Variants in CCDC141 observed in about 807,000 individuals in gnomAD.
CCDC141 encodes the protein coiled-coil domain containing 141.
Under a neutral mutation model 181.0 loss-of-function variants are expected in CCDC141, and 168 were observed. The ratio of observed to expected loss-of-function variants is 0.93; its 90% CI spans 0.82 to 1.05. The LOEUF (loss-of-function observed/expected upper bound fraction) is 1.05. Ranked by LOEUF, CCDC141 falls within the 50% of genes least tolerant of loss-of-function variation. The pLI is 0.00. For synonymous variants in CCDC141, 666 were observed against 642.3 expected, an observed-to-expected ratio of 1.04 and a Z score of -0.56; for missense variants, 1,902 against 1,788.5, an observed-to-expected ratio of 1.06 and a Z score of -1.14.
At position 178,832,122 on chromosome 2, in the gene CCDC141, C is replaced by T. The variant is rs944649937; in HGVS notation, c.*2051G>A. The T allele has an allele frequency of 1.3e-5, 2 of 152,130 alleles. No homozygotes were observed. Among genetic ancestry groups the T allele is most frequent in the African/African-American group, 2.4e-5 (1 of 41,446 alleles). The allele number at this position is 152,130 out of a possible 1,614,324, so 9.4% of individuals were successfully genotyped here. On this transcript the variant is annotated 3_prime_UTR_variant, in exon 24 of 24. Coordinates refer to ENST00000443758, the MANE Select transcript of CCDC141 (RefSeq NM_173648.4). ...AGAGAGACAGTTTGTTACCGGGTCT[C>T]ACCTGCCTTCTTTGTTCATGAATAG...
chr2:178,927,410 G>A lies in CCDC141; in HGVS notation c.898-8503C>T, dbSNP rs78278467. Among the ~76,000 whole-genome samples the A allele has an allele frequency of 9.0e-3, 1,362 of 152,142 alleles. 21 individuals carry two copies. Among genetic ancestry groups the A allele is most frequent in the African/African-American group, 0.032 (1,311 of 41,488 alleles). On this transcript the variant is annotated intron_variant, in intron 6 of 23. Coordinates refer to ENST00000443758, the MANE Select transcript of CCDC141 (RefSeq NM_173648.4). ...GGGGTATCTGAGAAGCCGTCTTATT[G>A]GGTCTTAAATACGTGCAGGGATTTC...
chr2:178,837,788 C>G, intron 22 of CCDC141, 44 bp from the exon 23 acceptor site: 1 of 1,549,234 alleles, frequency 6.5e-7, no homozygotes, highest in Non-Finnish European at 8.7e-7. Flanking sequence ...ATTCATTTTT[C>G]TTTTTCCAGT....
intron 4 of CCDC141, among the ~76,000 whole-genome samples, chr2:178,968,151 C>A (rs1690719879): frequency 6.6e-6 from 1 of 152,156 alleles, no homozygotes; most frequent in South Asian, 2.1e-4. Context: ...CACTTTAACA[C>A]CCCACTGTCA....
At chr2:178,903,041 C>T (rs1201557329) in intron 8 of CCDC141, among the ~76,000 whole-genome samples, 7 of 150,218 alleles carry the variant, frequency 4.7e-5, no homozygotes, top group South Asian at 2.3e-4. Flanking sequence ...GAAATGCAAG[C>T]CAAAACCACA....
chr2:178,975,293 T>A (rs1171159160), intron 3 of CCDC141, 128 bp from the exon 4 acceptor site: 24 of 535,888 alleles, frequency 4.5e-5, no homozygotes, highest in Admixed American at 3.0e-4. Flanking sequence ...TGCAAGTGCA[T>A]ATGTTTGTAT....
At chr2:178,904,132 G>A (rs1311380225) in intron 8 of CCDC141, among the ~76,000 whole-genome samples, 1 of 152,174 alleles carries the variant, frequency 6.6e-6, no homozygotes, top group African/African-American at 2.4e-5. Context: ...CCTTGAAACT[G>A]CTGAAGCCTA....
chr2:178,951,162 G>GC (rs1689937571), intron 5 of CCDC141, among the ~76,000 whole-genome samples: 1 of 152,192 alleles, frequency 6.6e-6, no homozygotes, highest in Non-Finnish European at 1.5e-5. Context: ...AGGAAACAGA[G>GC]CCCCATCCAG....
At chr2:178,854,104 T>A (rs1293743855) in intron 19 of CCDC141, among the ~76,000 whole-genome samples, 1 of 152,244 alleles carries the variant, frequency 6.6e-6, no homozygotes, top group Non-Finnish European at 1.5e-5. Context: ...ATAAATAAAT[T>A]ATCTTTGAAG....
At chr2:178,906,365 G>T (rs1687970855) in intron 7 of CCDC141, among the ~76,000 whole-genome samples, 3 of 152,128 alleles carry the variant, frequency 2.0e-5, no homozygotes, top group Admixed American at 6.5e-5. Flanking sequence ...AGAATACTGT[G>T]GGTATATGAG....
intron 6 of CCDC141, 70 bp downstream of exon 6, chr2:178,944,465 C>T: frequency 1.5e-6 from 1 of 650,474 alleles, no homozygotes; most frequent in Non-Finnish European, 2.4e-6. Context: ...CTAAATTACC[C>T]ACAGAAGTAT....
intron 2 of CCDC141, among the ~76,000 whole-genome samples, chr2:178,999,042 C>T (rs563075763): frequency 2.0e-5 from 3 of 152,208 alleles, no homozygotes; most frequent in East Asian, 1.9e-4. Flanking sequence ...GAAAGTGTAG[C>T]GGTCATTATT....
chr2:178,937,964 A>T (rs1575239940), intron 6 of CCDC141, among the ~76,000 whole-genome samples: 1 of 151,596 alleles, frequency 6.6e-6, no homozygotes. Context: ...CTCCTTTATT[A>T]CTCTAGCTAG....
chr2:178,987,532 A>C (rs1691813084), intron 2 of CCDC141, among the ~76,000 whole-genome samples: 1 of 151,944 alleles, frequency 6.6e-6, no homozygotes, highest in South Asian at 2.1e-4. Flanking sequence ...TGAACAGGCA[A>C]CCTACAACAT....
intron 2 of CCDC141, among the ~76,000 whole-genome samples, chr2:178,993,828 A>C (rs907721086): frequency 6.6e-6 from 1 of 152,224 alleles, no homozygotes; most frequent in Non-Finnish European, 1.5e-5. Flanking sequence ...CAAATAGGAT[A>C]AATTGGCCAA....
At chr2:178,999,634 C>T (rs141322652) in intron 2 of CCDC141, among the ~76,000 whole-genome samples, 141 of 152,104 alleles carry the variant, frequency 9.3e-4, no homozygotes, top group African/African-American at 3.3e-3. Flanking sequence ...TAGTCTTATC[C>T]CTGTTGGCTG....
intron 6 of CCDC141, among the ~76,000 whole-genome samples, chr2:178,922,535 A>G (rs1457148619): frequency 1.3e-5 from 2 of 152,202 alleles, no homozygotes; most frequent in Non-Finnish European, 2.9e-5. Context: ...AAAATCTTGT[A>G]TGACCCTGGG....
intron 7 of CCDC141, among the ~76,000 whole-genome samples, chr2:178,914,115 A>C (rs936487056): frequency 6.6e-6 from 1 of 152,244 alleles, no homozygotes; most frequent in African/African-American, 2.4e-5. Context: ...AAGATAATCT[A>C]TAATCCCGAA....
intron 2 of CCDC141, among the ~76,000 whole-genome samples, chr2:178,991,238 A>G (rs1272559538): frequency 6.6e-6 from 1 of 152,194 alleles, no homozygotes. Flanking sequence ...TTTTTCAGAC[A>G]TACTGAAGAC....
At chr2:179,015,350 C>T in intron 2 of CCDC141, among the ~76,000 whole-genome samples, 1 of 138,996 alleles carries the variant, frequency 7.2e-6, no homozygotes, top group East Asian at 2.2e-4. Flanking sequence ...ATATATGTAT[C>T]ATACATATCC....
Sources: gnomAD v4.1 joint callset for allele counts (sites outside exome capture counted in the v4.1 genomes callset) on GRCh38, gnomAD v4.1.1 for gene constraint, MANE v1.5 for transcripts, NCBI Gene and HGNC (gene_info 2026-07-23, HGNC 2026-07-21) for gene names.